LARGE1: variants seen among roughly 807,000 people sequenced by gnomAD.
LARGE1 encodes the protein LARGE xylosyl- and glucuronyltransferase 1, also known as xylosyl- and glucuronyltransferase LARGE1.
LARGE1 carries 43 observed loss-of-function variants against 87.6 expected under a neutral mutation model. The observed-to-expected ratio is 0.49, with a 90% CI of 0.38 to 0.63. The LOEUF is 0.63. LARGE1 is among the 30% of genes least tolerant of loss of function. The probability of loss-of-function intolerance (pLI) is 0.00; values close to 1 mark genes in which losing one functional copy is unlikely to be tolerated. For missense variants in LARGE1, 802 were observed against 1,000.2 expected, an observed-to-expected ratio of 0.80 and a Z score of 2.67; for synonymous variants, 434 against 394.6, an observed-to-expected ratio of 1.10 and a Z score of -1.18.
chr22:33,755,826 G>A (rs748813856), intron 2 of LARGE1, among the ~76,000 whole-genome samples: 2 of 152,150 alleles, frequency 1.3e-5, no homozygotes, highest in South Asian at 2.1e-4. Context: ...GGAGTGTAAC[G>A]ACGAATAAAA....
intron 1 of LARGE1, among the ~76,000 whole-genome samples, chr22:33,773,196 C>T (rs758612425): frequency 1.3e-5 from 2 of 152,236 alleles, no homozygotes; most frequent in Non-Finnish European, 2.9e-5. Flanking sequence ...TGTGGAATTT[C>T]CTCCCTGAAG....
intron 6 of LARGE1, among the ~76,000 whole-genome samples, chr22:33,464,409 CATCA>C (rs1443349956): frequency 6.6e-6 from 1 of 151,950 alleles, no homozygotes; most frequent in African/African-American, 2.4e-5. Flanking sequence ...AACTTCAGCA[CATCA>C]TAAGACATCA....
chr22:33,277,986 A>G (rs1184345578), intron 13 of LARGE1, among the ~76,000 whole-genome samples: 4 of 152,196 alleles, frequency 2.6e-5, no homozygotes, highest in Non-Finnish European at 5.9e-5. Context: ...CCCTTGAGGC[A>G]GAACCTGTGA....
intron 1 of LARGE1, among the ~76,000 whole-genome samples, chr22:33,831,419 C>T (rs977083697): frequency 6.6e-6 from 1 of 152,152 alleles, no homozygotes; most frequent in African/African-American, 2.4e-5. Context: ...GAAGCCAGGG[C>T]CTGGAGAGCT....
chr22:33,562,644 C>T (rs895071069), intron 6 of LARGE1, among the ~76,000 whole-genome samples: 1 of 152,202 alleles, frequency 6.6e-6, no homozygotes, highest in Non-Finnish European at 1.5e-5. Context: ...ATGGGAGCAG[C>T]AAGAGCTCTG....
intron 11 of LARGE1, among the ~76,000 whole-genome samples, chr22:33,203,066 ACTCTCTCTCTCTCTCTCT>A (rs35446457): frequency 7.2e-6 from 1 of 139,382 alleles, no homozygotes; most frequent in Non-Finnish European, 1.6e-5. Context: ...TAGAATCTAA[ACTCTCTCTCTCTCTCTCT>A]CTCTCTCTCT....
At chr22:33,632,263 C>T (rs1419741079) in intron 3 of LARGE1, among the ~76,000 whole-genome samples, 2 of 152,178 alleles carry the variant, frequency 1.3e-5, no homozygotes, top group Non-Finnish European at 2.9e-5. Context: ...GCTGGGACTA[C>T]AGGCATGCGG....
intron 1 of LARGE1, among the ~76,000 whole-genome samples, chr22:33,901,711 A>T (rs954115648): frequency 6.6e-6 from 1 of 152,230 alleles, no homozygotes; most frequent in African/African-American, 2.4e-5. Context: ...ACAATCTTCC[A>T]ATCAGTTAAC....
intron 5 of LARGE1, among the ~76,000 whole-genome samples, chr22:33,566,036 G>C (rs956344041): frequency 3.3e-5 from 5 of 152,144 alleles, no homozygotes; most frequent in African/African-American, 1.2e-4. Flanking sequence ...CTTTAAAACA[G>C]GGAACATGGC....
intron 1 of LARGE1, among the ~76,000 whole-genome samples, chr22:33,893,303 C>T (rs1020046923): frequency 6.6e-6 from 1 of 152,178 alleles, no homozygotes; most frequent in Admixed American, 6.5e-5. Flanking sequence ...CCAGTAAATC[C>T]TGCAGTTCCT....
intron 4 of LARGE1, among the ~76,000 whole-genome samples, chr22:33,618,452 G>T (rs1403493574): frequency 1.3e-5 from 2 of 152,134 alleles, no homozygotes; most frequent in African/African-American, 4.8e-5. Context: ...GCACCAGGTC[G>T]GGATAACATT....
At chr22:33,460,366 GT>G (rs566200713) in intron 6 of LARGE1, among the ~76,000 whole-genome samples, 1 of 152,106 alleles carries the variant, frequency 6.6e-6, no homozygotes, top group South Asian at 2.1e-4. Context: ...CTAACTCTGG[GT>G]TGGGCCAGCA....
intron 6 of LARGE1, among the ~76,000 whole-genome samples, chr22:33,512,456 G>A (rs376456432): frequency 6.6e-6 from 1 of 151,994 alleles, no homozygotes; most frequent in Non-Finnish European, 1.5e-5. Context: ...ACATATAGGA[G>A]GAAAACAACA....
intron 9 of LARGE1, among the ~76,000 whole-genome samples, chr22:33,367,467 T>C (rs1333253946): frequency 2.0e-5 from 3 of 152,200 alleles, no homozygotes; most frequent in Non-Finnish European, 4.4e-5. Flanking sequence ...ACCCAGGCTG[T>C]AGTACGGTGG....
intron 6 of LARGE1, among the ~76,000 whole-genome samples, chr22:33,531,286 T>A (rs1412216910): frequency 6.6e-6 from 1 of 152,136 alleles, no homozygotes; most frequent in African/African-American, 2.4e-5. Context: ...GCCTCCCGAA[T>A]AGCTGGGATT....
At chr22:33,498,878 A>C (rs1474578553) in intron 6 of LARGE1, among the ~76,000 whole-genome samples, 1 of 152,158 alleles carries the variant, frequency 6.6e-6, no homozygotes, top group East Asian at 1.9e-4. Flanking sequence ...AAGCTGAGGC[A>C]GGAGAATGGT....
At chr22:33,862,657 T>A (rs116494584) in intron 1 of LARGE1, among the ~76,000 whole-genome samples, 1 of 152,138 alleles carries the variant, frequency 6.6e-6, no homozygotes, top group Non-Finnish European at 1.5e-5. Flanking sequence ...AGAGGCTAGA[T>A]AGGCCTGGGT....
At chr22:33,427,036 G>C (rs1237981943) in intron 7 of LARGE1, among the ~76,000 whole-genome samples, 3 of 152,042 alleles carry the variant, frequency 2.0e-5, no homozygotes, top group African/African-American at 7.2e-5. Flanking sequence ...CCTTTTCTTT[G>C]CTGTTGTTTG....
chr22:33,143,515 G>T, the LARGE1 span, among the ~76,000 whole-genome samples: 2 of 152,106 alleles, frequency 1.3e-5, no homozygotes, highest in African/African-American at 4.8e-5. Flanking sequence ...AGCGTTGCAG[G>T]TAAGTTTTCT....
Sources: allele counts gnomAD v4.1 joint callset (sites outside exome capture counted in the v4.1 genomes callset), GRCh38; gene constraint gnomAD v4.1.1; transcripts MANE v1.5; gene names NCBI Gene and HGNC (gene_info 2026-07-23, HGNC 2026-07-21).